The following NF1 variants were observed in gnomAD, a reference collection of about 807,000 sequenced individuals.
NF1 encodes neurofibromin 1, also known as neurofibromin.
Under a neutral mutation model 325.7 loss-of-function variants are expected in NF1, and 122 were observed. The ratio of observed to expected loss-of-function variants is 0.37; its 90% CI spans 0.32 to 0.44. The LOEUF (loss-of-function observed/expected upper bound fraction) is 0.44. NF1 is among the 20% of genes least tolerant of loss of function. The pLI, the probability that NF1 is intolerant of heterozygous loss-of-function variation, is 1.00. For synonymous variants in NF1, 1,091 were observed against 1,186.0 expected (o/e 0.92, Z 1.65); for missense variants, 2,140 against 3,415.4 (o/e 0.63, Z 9.31).
At position 31,376,054 on chromosome 17, in the gene NF1, A is replaced by G. The variant is rs547663480; in HGVS notation, c.*1899A>G. On this transcript the variant is annotated 3_prime_UTR_variant, in exon 58 of 58. Coordinates refer to ENST00000358273, the MANE Select transcript of NF1 (RefSeq NM_001042492.3). The stretch of plus-strand genomic sequence containing the variant: ...AATGACAGAGCAACTATGACTATAT[A>G]AAAAAGCTGAAATTAGAACTGTGTT... The G allele has an allele frequency of 1.2e-3, 286 of 232,948 alleles. 1 individual carries two copies. The highest frequency in any genetic ancestry group is 5.1e-3 in the Middle Eastern group (4 of 786). 14.4% of individuals were successfully genotyped at this position (232,948 alleles called of 1,614,324 possible).
At chr17:31,236,300 C>G (rs1171499892) in intron 29 of NF1, among the ~76,000 whole-genome samples, 3 of 152,032 alleles carry the variant, frequency 2.0e-5, no homozygotes, top group Admixed American at 6.5e-5. Context: ...TTCCCCTGTC[C>G]TTTTTCCATG....
At chr17:31,275,654 AC>A (rs983741183) in intron 36 of NF1, among the ~76,000 whole-genome samples, 1 of 152,190 alleles carries the variant, frequency 6.6e-6, no homozygotes, top group Non-Finnish European at 1.5e-5. Context: ...TTAAGGGGGT[AC>A]TACTGTACTT....
At chr17:31,211,945 AAC>A in intron 12 of NF1, among the ~76,000 whole-genome samples, 1 of 152,228 alleles carries the variant, frequency 6.6e-6, no homozygotes, top group Non-Finnish European at 1.5e-5. Context: ...AGACTTTATA[AAC>A]ACTACACTTA....
At chr17:31,242,892 G>T (rs936201764) in intron 29 of NF1, among the ~76,000 whole-genome samples, 1 of 152,176 alleles carries the variant, frequency 6.6e-6, no homozygotes, top group Non-Finnish European at 1.5e-5. Flanking sequence ...AGGTATTTTT[G>T]TAGTCTTTGT....
intron 1 of NF1, among the ~76,000 whole-genome samples, chr17:31,130,918 T>C (rs780257134): frequency 3.3e-5 from 5 of 152,140 alleles, no homozygotes; most frequent in Non-Finnish European, 1.5e-5. Flanking sequence ...TCCACAGGGA[T>C]CACTGTGGTT....
chr17:31,365,489 G>A (rs2070498053), intron 57 of NF1, among the ~76,000 whole-genome samples: 1 of 152,062 alleles, frequency 6.6e-6, no homozygotes, highest in African/African-American at 2.4e-5. Flanking sequence ...AGACTTGACG[G>A]TTTTTGCCTT....
At position 31,261,733 on chromosome 17, in the gene NF1, C is replaced by T. The variant is rs760703505; in HGVS notation, c.4600C>T (p.Arg1534Ter). 3 of 1,611,954 alleles carry T rather than the reference C, an allele frequency of 1.9e-6. No homozygotes were observed. Among genetic ancestry groups the T allele is most frequent in the Admixed American group, 1.7e-5 (1 of 59,984 alleles). ...TAGGGATCATAAAGCTGTTGGAAGA[C>T]GACCTTTTGATAAGATGGCAACACT... The part of the protein sequence containing the change: ...SNRDHKAVGR[R>*]PFDKMATLLA... The change falls in exon 35 of 58, where the codon CGA (arginine) becomes TGA (stop). Residue 1534 changes from arginine (R) to a stop codon, truncating the protein, a stop_gained. Coordinates refer to ENST00000358273, the MANE Select transcript of NF1 (RefSeq NM_001042492.3). LOFTEE classifies it high-confidence loss of function.
intron 15 of NF1, chr17:31,222,215 A>G (rs1281722169): frequency 2.7e-6 from 3 of 1,106,074 alleles, no homozygotes; most frequent in Non-Finnish European, 1.1e-6. Flanking sequence ...CAATGTGGTT[A>G]CTACTGTATT....
rs878853898 is a variant in NF1, at chr17:31,265,308, G to A, written c.4804G>A (p.Gly1602Arg). The A allele has an allele frequency of 6.2e-7, 1 of 1,612,954 alleles. No individual in the cohort carries two copies. The highest frequency in any genetic ancestry group is 8.5e-7 in the Non-Finnish European group (1 of 1,179,304). The stretch of plus-strand genomic sequence containing the variant: ...CTACCAAGCTGGGACTTCCAAAGCT[G>A]GGAATCCTATTTTTTATTATGTTGC... ...IFYQAGTSKAGNPIFYYVARR... is the reference protein window; with the variant it reads ...IFYQAGTSKARNPIFYYVARR... The change falls in exon 36 of 58, where the codon GGG becomes AGG. Residue 1602 changes from glycine to arginine, a missense_variant. Physicochemically the swap from Gly to Arg is moderately radical, Grantham distance 125 (BLOSUM62 -2). Around this residue, in one of 10 missense-constraint regions of NF1, gnomAD observed 103 missense variants for 214.6 expected, o/e 0.48. Transcript: ENST00000358273.
rs146050648 is a variant in NF1, at chr17:31,154,573, T to A, written c.61-1410T>A. Among the ~76,000 whole-genome samples, 1,444 of 152,170 alleles carry A rather than the reference T, an allele frequency of 9.5e-3. 24 individuals carry two copies. The highest frequency in any genetic ancestry group is 0.033 in the African/African-American group (1,359 of 41,514). The stretch of plus-strand genomic sequence containing the variant: ...TTTGGCAAAATAAAATTAAAAAGGT[T>A]ATCTGTGCTCGTAAACAAAAGTCCC... On this transcript the variant is annotated intron_variant, in intron 1 of 57. Coordinates refer to ENST00000358273, the MANE Select transcript of NF1 (RefSeq NM_001042492.3).
intron 54 of NF1, chr17:31,358,191 G>GCAAA (rs1428425762): frequency 2.2e-6 from 1 of 452,428 alleles, no homozygotes; most frequent in Non-Finnish European, 4.1e-6. Context: ...CTTGTCTTAA[G>GCAAA]CAAACATTTA....
chr17:31,363,508 C>G lies in NF1; in HGVS notation c.8377+2805C>G, dbSNP rs566424885. 7.3e-4 allele frequency among the ~76,000 whole-genome samples: 107 copies of G among 147,574 alleles called. 2 individuals are homozygous for G. The highest frequency in any genetic ancestry group is 2.6e-3 in the African/African-American group (103 of 39,868). Reference sequence around the variant, plus strand: ...GCTGGAGTCAGTGGTGCGATCTCGACTCACTGCAACCTCTGCCTCCCAGGT... The same window carrying G: ...GCTGGAGTCAGTGGTGCGATCTCGAGTCACTGCAACCTCTGCCTCCCAGGT... On this transcript the variant is annotated intron_variant, in intron 57 of 57. Transcript: ENST00000358273.
At chr17:31,279,378 A>C (rs2068074663) in intron 36 of NF1, among the ~76,000 whole-genome samples, 1 of 152,192 alleles carries the variant, frequency 6.6e-6, no homozygotes, top group Non-Finnish European at 1.5e-5. Flanking sequence ...TCAGGATTAA[A>C]ATTTTTATGC....
chr17:31,257,300 C>T (rs1350889224), intron 31 of NF1, among the ~76,000 whole-genome samples: 1 of 152,164 alleles, frequency 6.6e-6, no homozygotes, highest in Non-Finnish European at 1.5e-5. Flanking sequence ...CTACTTTAAA[C>T]AGCAGTTTAG....
intron 47 of NF1, among the ~76,000 whole-genome samples, chr17:31,340,847 C>CAAAAAAAAAAAA (rs1051607259): frequency 3.8e-4 from 24 of 62,456 alleles, no homozygotes; most frequent in African/African-American, 6.7e-4. Flanking sequence ...ATAAAAATAG[C>CAAAAAAAAAAAA]AAAAAAAAAA....
chr17:31,230,070 ATTC>A, intron 22 of NF1, 96 bp downstream of exon 22: 3 of 1,512,890 alleles, frequency 2.0e-6, no homozygotes, highest in Non-Finnish European at 2.7e-6. Flanking sequence ...ATAACTGGCC[ATTC>A]TTTACTGCAC....
intron 48 of NF1, among the ~76,000 whole-genome samples, chr17:31,348,831 A>G (rs2070063535): frequency 6.6e-6 from 1 of 152,080 alleles, no homozygotes; most frequent in South Asian, 2.1e-4. Context: ...GCTTTAGGGA[A>G]TAGAAGATCT....
At chr17:31,340,937 A>G (rs2069807803) in intron 47 of NF1, among the ~76,000 whole-genome samples, 1 of 151,946 alleles carries the variant, frequency 6.6e-6, no homozygotes, top group Non-Finnish European at 1.5e-5. Flanking sequence ...ATCCTTACAG[A>G]ATGAGCATAA....
At chr17:31,233,824 A>G (rs1227690295) in intron 27 of NF1, among the ~76,000 whole-genome samples, 1 of 152,236 alleles carries the variant, frequency 6.6e-6, no homozygotes, top group Non-Finnish European at 1.5e-5. Context: ...TTTCAGTTAT[A>G]GTAAATTATG....
Sources: gnomAD v4.1 joint callset for allele counts (sites outside exome capture counted in the v4.1 genomes callset) on GRCh38, gnomAD v4.1.1 for gene constraint, gnomAD v4.1.1 regional missense constraint, MANE v1.5 for transcripts, NCBI Gene and HGNC (gene_info 2026-07-23, HGNC 2026-07-21) for gene names.